Variants in SPATA13 observed in about 807,000 individuals in gnomAD.
SPATA13 encodes spermatogenesis-associated protein 13.
A neutral mutation model predicts 104.0 loss-of-function variants in SPATA13; 50 were observed. The ratio of observed to expected loss-of-function variants is 0.48; its 90% CI spans 0.38 to 0.61. SPATA13 has a LOEUF of 0.61. SPATA13 is among the 20% of genes least tolerant of loss of function. The probability of loss-of-function intolerance (pLI) is 0.00; values close to 1 mark genes in which losing one functional copy is unlikely to be tolerated. For missense variants in SPATA13, 1,524 were observed against 1,690.6 expected, an observed-to-expected ratio of 0.90 and a Z score of 1.73; for synonymous variants, 606 against 667.5, an observed-to-expected ratio of 0.91 and a Z score of 1.42.
chr13:24,183,077 G>A (rs1330000920), intron 1 of SPATA13, among the ~76,000 whole-genome samples: 2 of 152,266 alleles, frequency 1.3e-5, no homozygotes, highest in African/African-American at 4.8e-5. Flanking sequence ...AGAGATTGCT[G>A]CATACCTGGA....
At chr13:24,258,849 A>C (rs1270672667) in intron 4 of SPATA13, among the ~76,000 whole-genome samples, 1 of 152,244 alleles carries the variant, frequency 6.6e-6, no homozygotes, top group Non-Finnish European at 1.5e-5. Context: ...TTTCTACCAC[A>C]GAAACAGGTC....
chr13:24,092,379 T>G (rs1180655371), intron 3 of SPATA13, among the ~76,000 whole-genome samples: 1 of 152,224 alleles, frequency 6.6e-6, no homozygotes, highest in Non-Finnish European at 1.5e-5. Flanking sequence ...AGGCCTTTAT[T>G]ACTGCCTTGC....
intron 1 of SPATA13, among the ~76,000 whole-genome samples, chr13:23,983,206 A>T (rs965280725): frequency 1.3e-5 from 2 of 151,728 alleles, no homozygotes; most frequent in South Asian, 4.2e-4. Context: ...GGGGGCTGGT[A>T]GTCCGAGATC....
At chr13:24,165,367 G>A (rs1235219630) in intron 1 of SPATA13, among the ~76,000 whole-genome samples, 5 of 152,128 alleles carry the variant, frequency 3.3e-5, no homozygotes, top group African/African-American at 4.8e-5. Context: ...TCCAGGAGAG[G>A]GGAAGGGCCA....
intron 3 of SPATA13, among the ~76,000 whole-genome samples, chr13:24,094,757 C>T (rs943052037): frequency 3.3e-5 from 5 of 152,088 alleles, no homozygotes; most frequent in African/African-American, 1.2e-4. Context: ...GGCAATATAG[C>T]AAGACCCTGT....
chr13:23,979,867 C>A (rs1874793294), exon 1 of SPATA13: 1 of 152,356 alleles, frequency 6.6e-6, no homozygotes, highest in Non-Finnish European at 1.5e-5. Context: ...CAGCTCGGAG[C>A]GGGATGCTGG....
At chr13:24,036,593 G>A (rs1416968449) in intron 3 of SPATA13, among the ~76,000 whole-genome samples, 2 of 152,068 alleles carry the variant, frequency 1.3e-5, no homozygotes, top group African/African-American at 4.8e-5. Flanking sequence ...ACCCAGGGAC[G>A]AGATCTCTCT....
intron 3 of SPATA13, among the ~76,000 whole-genome samples, chr13:24,096,751 T>C (rs1201943436): frequency 6.6e-6 from 1 of 152,030 alleles, no homozygotes. Context: ...AAGCAGAGGC[T>C]GCCCCAGGGC....
At chr13:24,033,165 C>A (rs1006166604) in intron 3 of SPATA13, among the ~76,000 whole-genome samples, 1 of 152,180 alleles carries the variant, frequency 6.6e-6, no homozygotes, top group Non-Finnish European at 1.5e-5. Context: ...CATTTGAAAG[C>A]AAGACCACTT....
chr13:24,087,857 G>T (rs936530227), intron 3 of SPATA13, among the ~76,000 whole-genome samples: 3 of 152,154 alleles, frequency 2.0e-5, no homozygotes, highest in African/African-American at 7.2e-5. Context: ...GCCTGATAAG[G>T]ACCCAAGAGG....
At chr13:24,145,275 G>A (rs1881893048) in intron 3 of SPATA13, among the ~76,000 whole-genome samples, 1 of 152,180 alleles carries the variant, frequency 6.6e-6, no homozygotes, top group African/African-American at 2.4e-5. Flanking sequence ...CAGAGGCAAA[G>A]GTCTAACTTC....
intron 9 of SPATA13, among the ~76,000 whole-genome samples, chr13:24,291,707 A>G (rs547625060): frequency 3.3e-5 from 5 of 151,770 alleles, no homozygotes; most frequent in Admixed American, 6.6e-5. Flanking sequence ...CTCCTGAACA[A>G]CAAGCAACAA....
intron 3 of SPATA13, among the ~76,000 whole-genome samples, chr13:24,086,723 G>A (rs970661930): frequency 1.3e-5 from 2 of 152,116 alleles, no homozygotes; most frequent in Non-Finnish European, 2.9e-5. Context: ...CCTTTTCATA[G>A]TAGACACTGA....
chr13:23,990,695 G>A (rs1004273002), intron 2 of SPATA13, among the ~76,000 whole-genome samples: 3 of 152,206 alleles, frequency 2.0e-5, no homozygotes, highest in African/African-American at 7.2e-5. Flanking sequence ...TGCACCCCAC[G>A]AAGCTGTAAA....
At chr13:24,070,600 A>G (rs1004314086) in intron 3 of SPATA13, among the ~76,000 whole-genome samples, 2 of 152,172 alleles carry the variant, frequency 1.3e-5, no homozygotes, top group African/African-American at 4.8e-5. Context: ...CAGGGTGCTG[A>G]TATTTGGTTG....
chr13:24,074,342 T>C (rs145940828), intron 3 of SPATA13, among the ~76,000 whole-genome samples: 1 of 152,358 alleles, frequency 6.6e-6, no homozygotes, highest in African/African-American at 2.4e-5. Context: ...ATTTCCTTCC[T>C]TTTTTAAGGC....
intron 1 of SPATA13, among the ~76,000 whole-genome samples, chr13:24,183,775 T>C (rs1868959535): frequency 3.9e-5 from 6 of 152,078 alleles, no homozygotes; most frequent in Non-Finnish European, 8.8e-5. Context: ...TCAGCACTCC[T>C]GGGGTGAGAA....
chr13:24,100,966 T>G (rs574660018), intron 3 of SPATA13, among the ~76,000 whole-genome samples: 4 of 152,326 alleles, frequency 2.6e-5, no homozygotes, highest in African/African-American at 9.6e-5. Context: ...AAGAAAAACT[T>G]CTATTTCATG....
chr13:24,212,224 G>C (rs1447463628), intron 1 of SPATA13, among the ~76,000 whole-genome samples: 1 of 151,312 alleles, frequency 6.6e-6, no homozygotes, highest in South Asian at 2.1e-4. Context: ...GCTGTGGGGA[G>C]CTGTGATTGG....
Sources: gnomAD v4.1 joint callset for allele counts (sites outside exome capture counted in the v4.1 genomes callset) on GRCh38, gnomAD v4.1.1 for gene constraint, MANE v1.5 for transcripts, NCBI Gene and HGNC (gene_info 2026-07-23, HGNC 2026-07-21) for gene names.